EPS15: variants seen among roughly 807,000 people sequenced by gnomAD.
EPS15 encodes epidermal growth factor receptor pathway substrate 15, also known as epidermal growth factor receptor substrate 15.
In EPS15, 72 loss-of-function variants were observed where a neutral mutation model predicts 113.8. The observed-to-expected ratio is 0.63, with a 90% CI of 0.52 to 0.77. EPS15 has a LOEUF of 0.77. Among genes scored for constraint, EPS15 ranks in the 30% least tolerant of loss-of-function variants. The pLI is 0.00. For synonymous variants in EPS15, 344 were observed against 363.4 expected (o/e 0.95, Z 0.61); for missense variants, 1,048 against 1,045.8 (o/e 1.00, Z -0.03).
intron 8 of EPS15, among the ~76,000 whole-genome samples, chr1:51,448,829 T>C (rs1472523793): frequency 6.6e-6 from 1 of 152,184 alleles, no homozygotes; most frequent in African/African-American, 2.4e-5. Context: ...AAAAGCTCTC[T>C]GCCCTCCTTC....
chr1:51,398,515 CACCAGT>C (rs199780954), intron 20 of EPS15, among the ~76,000 whole-genome samples: 2,819 of 152,300 alleles, frequency 0.019, 85 homozygotes, highest in African/African-American at 0.065. Context: ...GTAAAGCACA[CACCAGT>C]ACCTGGATCA....
intron 21 of EPS15, among the ~76,000 whole-genome samples, chr1:51,390,446 G>A (rs1236926059): frequency 2.6e-5 from 4 of 152,078 alleles, no homozygotes; most frequent in Non-Finnish European, 4.4e-5. Flanking sequence ...AATGACAACA[G>A]AAGCCAAAAT....
intron 23 of EPS15, among the ~76,000 whole-genome samples, chr1:51,362,991 C>T (rs996543124): frequency 1.3e-5 from 2 of 151,880 alleles, no homozygotes; most frequent in African/African-American, 4.8e-5. Context: ...AAATAAGAAA[C>T]AAATCACTAT....
chr1:51,393,232 T>C (rs1342630242), intron 21 of EPS15, among the ~76,000 whole-genome samples: 2 of 152,256 alleles, frequency 1.3e-5, no homozygotes, highest in African/African-American at 4.8e-5. Context: ...AGCCTTTTTT[T>C]TGGAGACAGA....
intron 21 of EPS15, among the ~76,000 whole-genome samples, chr1:51,374,319 T>C (rs1379458140): frequency 6.6e-6 from 1 of 152,168 alleles, no homozygotes; most frequent in Non-Finnish European, 1.5e-5. Flanking sequence ...AAAGTACATG[T>C]AGAAAGTAAG....
chr1:51,472,173 G>GACTT (rs1307651602), intron 3 of EPS15, among the ~76,000 whole-genome samples: 1 of 152,126 alleles, frequency 6.6e-6, no homozygotes, highest in Non-Finnish European at 1.5e-5. Flanking sequence ...GAGGGTAAGT[G>GACTT]ACTTAGCTCA....
chr1:51,452,777 C>A (rs538112933), intron 8 of EPS15, among the ~76,000 whole-genome samples: 19 of 152,178 alleles, frequency 1.2e-4, no homozygotes. Context: ...TACAATACCA[C>A]GCTGTCCTTT....
At chr1:51,411,827 T>C (rs1649750523) in intron 13 of EPS15, among the ~76,000 whole-genome samples, 1 of 152,174 alleles carries the variant, frequency 6.6e-6, no homozygotes, top group African/African-American at 2.4e-5. Flanking sequence ...GAACCAGAAA[T>C]ACCATTTGAC....
intron 1 of EPS15, among the ~76,000 whole-genome samples, chr1:51,481,951 C>A (rs12731409): frequency 0.097 from 14,795 of 152,158 alleles, 784 homozygotes; most frequent in Non-Finnish European, 0.12. Flanking sequence ...AGGAGGACTG[C>A]TTGAACCCAA....
chr1:51,481,625 C>T (rs1644022092), intron 1 of EPS15, among the ~76,000 whole-genome samples: 1 of 152,186 alleles, frequency 6.6e-6, no homozygotes, highest in Admixed American at 6.5e-5. Context: ...GAATGAAATG[C>T]TTTCTCTAAA....
chr1:51,506,599 A>G (rs1644502299), intron 1 of EPS15, among the ~76,000 whole-genome samples: 1 of 152,048 alleles, frequency 6.6e-6, no homozygotes, highest in South Asian at 2.1e-4. Flanking sequence ...TAAGGAAGAA[A>G]TTAGTCATAA....
At chr1:51,422,613 T>C (rs909941513) in intron 12 of EPS15, among the ~76,000 whole-genome samples, 5 of 152,260 alleles carry the variant, frequency 3.3e-5, no homozygotes, top group African/African-American at 1.2e-4. Flanking sequence ...TGAGTGGCTA[T>C]GAACGAATCC....
intron 24 of EPS15, among the ~76,000 whole-genome samples, chr1:51,359,443 TA>T (rs148380501): frequency 0.023 from 2,413 of 104,044 alleles, 29 homozygotes; most frequent in Non-Finnish European, 0.031. Context: ...ACTCTGTCTT[TA>T]AAAAAAAAAA....
At chr1:51,452,427 C>T (rs983325910) in intron 8 of EPS15, among the ~76,000 whole-genome samples, 18 of 152,234 alleles carry the variant, frequency 1.2e-4, no homozygotes, top group Non-Finnish European at 2.4e-4. Context: ...TGACTACATG[C>T]GTACGTCACC....
At chr1:51,405,583 A>C (rs972505700) in intron 16 of EPS15, among the ~76,000 whole-genome samples, 15 of 152,104 alleles carry the variant, frequency 9.9e-5, no homozygotes, top group African/African-American at 3.6e-4. Context: ...CTGTAATCCC[A>C]GCTACTCAGG....
intron 1 of EPS15, among the ~76,000 whole-genome samples, chr1:51,515,852 A>T (rs1644706625): frequency 1.3e-5 from 2 of 152,254 alleles, no homozygotes; most frequent in African/African-American, 4.8e-5. Flanking sequence ...ACCACTTACT[A>T]GCTTACTTAC....
At chr1:51,413,568 T>A (rs917095643) in intron 13 of EPS15, among the ~76,000 whole-genome samples, 4 of 152,236 alleles carry the variant, frequency 2.6e-5, no homozygotes, top group African/African-American at 9.6e-5. Context: ...GTATTTAAAC[T>A]ATAGCTATTT....
chr1:51,357,314 T>C (rs1312745697), intron 24 of EPS15, among the ~76,000 whole-genome samples: 3 of 142,608 alleles, frequency 2.1e-5, no homozygotes, highest in African/African-American at 7.9e-5. Flanking sequence ...GAGGCAGAGG[T>C]TGCAGTGAGC....
At position 51,363,878 on chromosome 1, in the gene EPS15, G is replaced by GGCA. The variant is rs774320369; in HGVS notation, c.2344_2346dup (p.Cys782dup). On this transcript the variant is annotated inframe_insertion, in exon 23 of 25. Coordinates refer to ENST00000371733, the MANE Select transcript of EPS15 (RefSeq NM_001981.3). ...CCAACTCTCATACCAGGTGGTAGAGGGCAGGGTCTTGTTGGAGTTCCGATC... is the reference window on the plus strand; with the variant it reads ...CCAACTCTCATACCAGGTGGTAGAGGGCAGCAGGGTCTTGTTGGAGTTCCGATC... 10 of 1,612,510 alleles carry GGCA rather than the reference G, an allele frequency of 6.2e-6. No individual in the cohort carries two copies. In the African/African-American group the frequency reaches 1.3e-4, roughly 22 times the overall value.
Sources: allele counts gnomAD v4.1 joint callset (sites outside exome capture counted in the v4.1 genomes callset), GRCh38; gene constraint gnomAD v4.1.1; transcripts MANE v1.5; gene names NCBI Gene and HGNC (gene_info 2026-07-23, HGNC 2026-07-21).